The following PRH1 variants were observed in gnomAD, a reference collection of about 807,000 sequenced individuals.
PRH1 encodes the protein salivary acidic proline-rich phosphoprotein 1/2.
Under a neutral mutation model 7.9 loss-of-function variants are expected in PRH1, and 7 were observed. That is an observed-to-expected ratio of 0.89 (90% CI 0.50 to 1.67). The LOEUF is 1.67. Among genes scored for constraint, PRH1 ranks in the 40% most tolerant of loss-of-function variants. The probability of loss-of-function intolerance (pLI) is 0.00; values close to 1 mark genes in which losing one functional copy is unlikely to be tolerated. For missense variants in PRH1, 109 were observed against 223.6 expected (o/e 0.49, Z 3.27); for synonymous variants, 45 against 80.8 (o/e 0.56, Z 2.38).
rs1159658866 is a variant in PRH1 at position 11,092,611 on chromosome 12, A to C, written n.124-45423T>G. 2.6e-5 allele frequency among the ~76,000 whole-genome samples: 3 copies of C among 114,420 alleles called. 1 individual carries two copies. The highest frequency in any genetic ancestry group is 6.2e-5 in the Non-Finnish European group (3 of 48,386). 75.1% of individuals were successfully genotyped at this position (114,420 alleles called of 152,430 possible). On this transcript the variant is annotated intron_variant and non_coding_transcript_variant, in intron 1 of 4. Coordinates refer to the PRH1 transcript ENST00000541977. ...TGGTGCATTTTAGAGCGATTGGTGC[A>C]TTTTACAATCCTCTTGCTAGCTACA...
chr12:10,959,799 A>G (rs1490315742), intron 2 of PRH1, among the ~76,000 whole-genome samples: 1 of 152,178 alleles, frequency 6.6e-6, no homozygotes, highest in African/African-American at 2.4e-5. Context: ...TGGCTACATT[A>G]TCAGTAAGGA....
At chr12:10,901,153 C>T (rs1949717955) in intron 2 of PRH1, among the ~76,000 whole-genome samples, 1 of 152,168 alleles carries the variant, frequency 6.6e-6, no homozygotes, top group Admixed American at 6.5e-5. Context: ...CTGGGCTGAT[C>T]CTCTCTGTTT....
intron 2 of PRH1, among the ~76,000 whole-genome samples, chr12:10,942,040 G>A (rs578175886): frequency 2.8e-4 from 42 of 152,204 alleles, no homozygotes; most frequent in Admixed American, 1.2e-3. Flanking sequence ...GGCTGATATT[G>A]GGGTTGTCTG....
intron 1 of PRH1, among the ~76,000 whole-genome samples, chr12:11,017,784 T>C (rs1308630692): frequency 6.6e-6 from 1 of 152,052 alleles, no homozygotes; most frequent in Non-Finnish European, 1.5e-5. Flanking sequence ...TGAACCACCA[T>C]GCCGAGCAGA....
intron 1 of PRH1, among the ~76,000 whole-genome samples, chr12:11,081,042 C>T (rs1370847664): frequency 1.7e-5 from 2 of 117,752 alleles, no homozygotes; most frequent in African/African-American, 5.7e-5. Flanking sequence ...TGGAGGCATA[C>T]ATTTTATCAC....
At chr12:11,098,479 A>G (rs1212322762) in intron 1 of PRH1, among the ~76,000 whole-genome samples, 1 of 152,186 alleles carries the variant, frequency 6.6e-6, no homozygotes, top group Non-Finnish European at 1.5e-5. Context: ...CTCATTTGCT[A>G]GTACACAAAT....
chr12:10,897,757 C>G (rs756264801), intron 2 of PRH1, among the ~76,000 whole-genome samples: 1 of 152,118 alleles, frequency 6.6e-6, no homozygotes, highest in African/African-American at 2.4e-5. Context: ...CTTGTGATAA[C>G]TCACTCACTC....
chr12:10,908,624 C>T, intron 2 of PRH1: 1 of 1,613,946 alleles, frequency 6.2e-7, no homozygotes, highest in Non-Finnish European at 8.5e-7. Context: ...TTGTATGGAC[C>T]TTGGTCCTGG....
chr12:10,906,105 T>C (rs1949799037), intron 2 of PRH1, among the ~76,000 whole-genome samples: 1 of 152,188 alleles, frequency 6.6e-6, no homozygotes, highest in Non-Finnish European at 1.5e-5. Context: ...GGGAGGTCCT[T>C]TCTAAAAAGA....
intron 1 of PRH1, among the ~76,000 whole-genome samples, chr12:11,128,410 GC>G (rs1245630905): frequency 2.0e-5 from 3 of 152,048 alleles, no homozygotes; most frequent in African/African-American, 7.2e-5. Context: ...GTATAGCTAT[GC>G]TCTGAGACTC....
intron 1 of PRH1, among the ~76,000 whole-genome samples, chr12:11,168,079 A>G (rs1412202352): frequency 6.6e-6 from 1 of 151,596 alleles, no homozygotes; most frequent in Non-Finnish European, 1.5e-5. Context: ...GTTTGAGGGG[A>G]GAAAAAGAAA....
rs1398368777 is a variant in PRH1, at chr12:11,082,267, A to C, written n.124-35079T>G. Among the ~76,000 whole-genome samples the C allele has an allele frequency of 1.7e-5, 2 of 115,544 alleles. 1 individual carries two copies. Among genetic ancestry groups the C allele is most frequent in the African/African-American group, 5.8e-5 (2 of 34,606 alleles). 75.8% of individuals were successfully genotyped at this position (115,544 alleles called of 152,430 possible). Reference sequence around the variant, plus strand: ...TTTTCTTTTAAAAGCATTAGAGTTAAGGTTGGTGGGAGAACACTATTATTC... The same window carrying C: ...TTTTCTTTTAAAAGCATTAGAGTTACGGTTGGTGGGAGAACACTATTATTC... On this transcript the variant is annotated intron_variant and non_coding_transcript_variant, in intron 1 of 4. Transcript: ENST00000541977.
intron 1 of PRH1, among the ~76,000 whole-genome samples, chr12:11,013,880 C>T (rs1388590685): frequency 6.6e-6 from 1 of 152,124 alleles, no homozygotes; most frequent in Non-Finnish European, 1.5e-5. Flanking sequence ...AGGTGGACAC[C>T]ACTATACCTG....
chr12:11,080,435 AG>A (rs1173132043), intron 1 of PRH1, among the ~76,000 whole-genome samples: 234 of 80,582 alleles, frequency 2.9e-3, no homozygotes, highest in Admixed American at 4.5e-3. Context: ...TGCTACAATG[AG>A]CATTCTTTCA....
intron 2 of PRH1, among the ~76,000 whole-genome samples, chr12:10,939,889 AT>A (rs1260505844): frequency 2.0e-5 from 3 of 152,174 alleles, no homozygotes; most frequent in African/African-American, 7.2e-5. Context: ...TATCTGTTAT[AT>A]TTATTATCAT....
downstream of PRH1, among the ~76,000 whole-genome samples, chr12:11,117,033 C>T (rs1945750217): frequency 6.6e-6 from 1 of 152,076 alleles, no homozygotes; most frequent in Admixed American, 6.6e-5. Flanking sequence ...CTCACATTCA[C>T]TACTATTATT....
intron 2 of PRH1, chr12:10,964,837 C>T (rs188080711): frequency 1.7e-5 from 9 of 542,990 alleles, no homozygotes; most frequent in South Asian, 1.1e-4. Context: ...CTGAAAGGTG[C>T]GTCGGATCAC....
At chr12:11,006,819 T>C (rs1236879352) in intron 1 of PRH1, among the ~76,000 whole-genome samples, 1 of 152,134 alleles carries the variant, frequency 6.6e-6, no homozygotes, top group Admixed American at 6.6e-5. Context: ...ATGAGTTCAA[T>C]GCTGCATTTA....
chr12:10,982,594 C>T (rs1032714522), intron 1 of PRH1, among the ~76,000 whole-genome samples: 3 of 152,196 alleles, frequency 2.0e-5, no homozygotes, highest in Non-Finnish European at 4.4e-5. Context: ...AGGGCTGTCA[C>T]TTCTGCTTTC....
Sources: allele counts gnomAD v4.1 joint callset (sites outside exome capture counted in the v4.1 genomes callset), GRCh38; gene constraint gnomAD v4.1.1; transcripts MANE v1.5; gene names NCBI Gene and HGNC (gene_info 2026-07-23, HGNC 2026-07-21).